The following TBC1D5 variants were observed in gnomAD, a reference collection of about 807,000 sequenced individuals.
The protein encoded by TBC1D5 is TBC1 domain family member 5, also known as TBC1 domain family, member 5.
Under a neutral mutation model 100.3 loss-of-function variants are expected in TBC1D5, and 75 were observed. The ratio of observed to expected loss-of-function variants is 0.75; its 90% CI spans 0.62 to 0.91. The LOEUF (loss-of-function observed/expected upper bound fraction) is 0.91. TBC1D5 is among the 40% of genes least tolerant of loss of function. The pLI is 0.00. For synonymous variants in TBC1D5, 323 were observed against 325.6 expected (o/e 0.99, Z 0.09); for missense variants, 910 against 942.4 (o/e 0.97, Z 0.45).
intron 3 of TBC1D5, among the ~76,000 whole-genome samples, chr3:17,437,463 T>C (rs546549215): frequency 6.6e-6 from 1 of 152,154 alleles, no homozygotes; most frequent in South Asian, 2.1e-4. Context: ...AAAATTAATA[T>C]TTCTGGGTTC....
At chr3:17,565,764 T>G (rs939385510) in intron 2 of TBC1D5, among the ~76,000 whole-genome samples, 1 of 152,068 alleles carries the variant, frequency 6.6e-6, no homozygotes, top group African/African-American at 2.4e-5. Context: ...TTAGTGCATG[T>G]TACATTTGAA....
chr3:17,675,528 C>G (rs2068514566), intron 1 of TBC1D5, among the ~76,000 whole-genome samples: 1 of 152,096 alleles, frequency 6.6e-6, no homozygotes, highest in Non-Finnish European at 1.5e-5. Flanking sequence ...CAACCAGGGT[C>G]TTGTATGTAC....
intron 15 of TBC1D5, among the ~76,000 whole-genome samples, chr3:17,262,861 T>G (rs918606282): frequency 3.3e-5 from 5 of 152,130 alleles, no homozygotes; most frequent in African/African-American, 1.2e-4. Context: ...TAATCATATC[T>G]TAACTGATAT....
At chr3:17,215,603 A>AT (rs963218986) in intron 17 of TBC1D5, among the ~76,000 whole-genome samples, 21 of 152,118 alleles carry the variant, frequency 1.4e-4, no homozygotes, top group Admixed American at 1.3e-3. Context: ...TGAGCTAGAG[A>AT]TATACATTTG....
chr3:17,668,388 G>A (rs2067525181), intron 1 of TBC1D5, among the ~76,000 whole-genome samples: 1 of 151,904 alleles, frequency 6.6e-6, no homozygotes, highest in Non-Finnish European at 1.5e-5. Context: ...TATACTCTGT[G>A]CTATAGCTTA....
chr3:17,713,226 G>C (rs1328199774), intron 1 of TBC1D5, among the ~76,000 whole-genome samples: 1 of 150,502 alleles, frequency 6.6e-6, no homozygotes, highest in African/African-American at 2.4e-5. Context: ...TTAAATTATT[G>C]TGTTTTTCTT....
At chr3:17,269,581 C>T (rs1342186237) in intron 15 of TBC1D5, among the ~76,000 whole-genome samples, 3 of 152,122 alleles carry the variant, frequency 2.0e-5, no homozygotes, top group East Asian at 1.9e-4. Context: ...TTCTATTAAT[C>T]CCATTACCCA....
intron 14 of TBC1D5, among the ~76,000 whole-genome samples, chr3:17,303,833 CTTTTTTTTTTTT>C (rs140988557): frequency 0.015 from 1,238 of 84,540 alleles, 30 homozygotes; most frequent in African/African-American, 0.056. Flanking sequence ...CAATCTACCT[CTTTTTTTTTTTT>C]TTTTTTTTTT....
intron 3 of TBC1D5, among the ~76,000 whole-genome samples, chr3:17,475,104 T>G (rs2095422256): frequency 6.6e-6 from 1 of 152,146 alleles, no homozygotes; most frequent in African/African-American, 2.4e-5. Context: ...TCTGAATTTT[T>G]GGATATTAAA....
intron 1 of TBC1D5, among the ~76,000 whole-genome samples, chr3:17,646,435 C>G (rs868662592): frequency 1.3e-5 from 2 of 152,054 alleles, no homozygotes; most frequent in Non-Finnish European, 2.9e-5. Context: ...AATTTTCTAC[C>G]ATCATCAAGC....
At chr3:17,691,323 ATT>A (rs1560476480) in intron 1 of TBC1D5, among the ~76,000 whole-genome samples, 1 of 152,110 alleles carries the variant, frequency 6.6e-6, no homozygotes, top group African/African-American at 2.4e-5. Flanking sequence ...CATCTCTATA[ATT>A]TTGTCACTTC....
chr3:17,438,129 C>T (rs924000715), intron 3 of TBC1D5, among the ~76,000 whole-genome samples: 2 of 152,186 alleles, frequency 1.3e-5, no homozygotes, highest in African/African-American at 4.8e-5. Context: ...CCACCTGGAT[C>T]TCAAAAGCAC....
chr3:17,266,979 C>G (rs528019026), intron 15 of TBC1D5, among the ~76,000 whole-genome samples: 29 of 152,030 alleles, frequency 1.9e-4, no homozygotes, highest in Non-Finnish European at 3.4e-4. Flanking sequence ...GACAAAACCT[C>G]TGAAGCCATG....
chr3:17,370,454 T>C (rs2092394876), intron 13 of TBC1D5, among the ~76,000 whole-genome samples: 1 of 152,218 alleles, frequency 6.6e-6, no homozygotes. Context: ...TTTATGTCTA[T>C]AATCATAAAT....
chr3:17,186,056 AAAG>A (rs1180982138), intron 18 of TBC1D5, among the ~76,000 whole-genome samples: 1 of 151,594 alleles, frequency 6.6e-6, no homozygotes, highest in Non-Finnish European at 1.5e-5. Flanking sequence ...TTTAAGAGAA[AAAG>A]AATAATCCTC....
At chr3:17,713,177 A>G (rs976768319) in intron 1 of TBC1D5, among the ~76,000 whole-genome samples, 2 of 152,188 alleles carry the variant, frequency 1.3e-5, no homozygotes, top group Non-Finnish European at 2.9e-5. Flanking sequence ...AGTATAAATA[A>G]CAACAGAAAA....
chr3:17,167,114 A>T (rs2066697383), intron 20 of TBC1D5, among the ~76,000 whole-genome samples, 186 bp from the exon 22 acceptor site: 1 of 152,232 alleles, frequency 6.6e-6, no homozygotes, highest in Non-Finnish European at 1.5e-5. Flanking sequence ...CTGCTGGCTT[A>T]GCAGTGAGCA....
chr3:17,506,468 G>T (rs2095846178), intron 3 of TBC1D5, among the ~76,000 whole-genome samples: 1 of 152,066 alleles, frequency 6.6e-6, no homozygotes, highest in Non-Finnish European at 1.5e-5. Flanking sequence ...GCTGAATGAG[G>T]GTCTTGATTA....
intron 9 of TBC1D5, among the ~76,000 whole-genome samples, chr3:17,379,020 T>C (rs760905936): frequency 3.3e-5 from 5 of 151,910 alleles, no homozygotes; most frequent in Non-Finnish European, 5.9e-5. Flanking sequence ...TTGGTTTGTA[T>C]ACTATTAACA....
Sources: gnomAD v4.1 joint callset for allele counts (sites outside exome capture counted in the v4.1 genomes callset) on GRCh38, gnomAD v4.1.1 for gene constraint, MANE v1.5 for transcripts, NCBI Gene and HGNC (gene_info 2026-07-23, HGNC 2026-07-21) for gene names.